Variants in ZNF530 observed in about 807,000 individuals in gnomAD.
ZNF530 encodes zinc finger protein 530.
A neutral mutation model predicts 2.8 loss-of-function variants in ZNF530; 5 were observed. The ratio of observed to expected loss-of-function variants is 1.80; its 90% CI spans 0.94 to 3.78. The LOEUF (loss-of-function observed/expected upper bound fraction) is 3.78, where lower values mean the gene tolerates loss of function less well. ZNF530 is among the 30% of genes most tolerant of loss of function. The pLI, the probability that ZNF530 is intolerant of heterozygous loss-of-function variation, is 0.00. For synonymous variants in ZNF530, 229 were observed against 235.0 expected, an observed-to-expected ratio of 0.97 and a Z score of 0.23; for missense variants, 619 against 673.3, an observed-to-expected ratio of 0.92 and a Z score of 0.89.
chr19:57,611,376 C>G (rs139460068), downstream of ZNF530, among the ~76,000 whole-genome samples: 1 of 152,298 alleles, frequency 6.6e-6, no homozygotes, highest in African/African-American at 2.4e-5. Flanking sequence ...TGGCTTGGGA[C>G]TTTATACATT....
chr19:57,599,905 T>G lies in ZNF530; in HGVS notation c.-351T>G. On this transcript the variant is annotated 5_prime_UTR_variant, in exon 1 of 4. Coordinates refer to ENST00000597700, the MANE Select transcript of ZNF530 (RefSeq NM_001321981.2). ...GGAGCGGAACTTCCGGCGTCCTCCC[T>G]GTGGCGGGCACTTTGGCTTGTGTCA... 1.9e-6 allele frequency: 1 copy of G among 528,840 alleles called. No individual in the cohort carries two copies. Among genetic ancestry groups the G allele is most frequent in the South Asian group, 3.1e-5 (1 of 31,998 alleles). The allele number at this position is 528,840 out of a possible 1,614,324, so 32.8% of individuals were successfully genotyped here.
rs567485827 is a variant in ZNF530 at position 57,605,311 on chromosome 19, CAT to C, written c.62-374_62-373del. ...CATGTAATATGTTGTCAGATGTGCA[CAT>C]GTTTTTAAATAGTCCTTCCACACCT... On this transcript the variant is annotated intron_variant, in intron 3 of 3. Coordinates refer to ENST00000597700, the MANE Select transcript of ZNF530 (RefSeq NM_001321981.2). 582 of 170,804 alleles carry C rather than the reference CAT, an allele frequency of 3.4e-3. 3 individuals carry two copies. Among genetic ancestry groups the C allele is most frequent in the Non-Finnish European group, 5.5e-3 (443 of 80,330 alleles). 10.6% of individuals were successfully genotyped at this position (170,804 alleles called of 1,614,324 possible). A position where few individuals can be genotyped will look rare whatever the true frequency, so the allele number is the denominator to read the frequency against.
Position 57,606,919 on chromosome 19 carries a change from G to A in ZNF530, c.1295G>A (p.Cys432Tyr). 1 of 1,613,924 alleles carries A rather than the reference G, an allele frequency of 6.2e-7. No individual in the cohort carries two copies. The highest frequency in any genetic ancestry group is 8.5e-7 in the Non-Finnish European group (1 of 1,179,974). Reference protein sequence around the residue: ...RAHTKTKPYECSECEKSFSCK... With the variant: ...RAHTKTKPYEYSECEKSFSCK... ...CACACTAAAACAAAGCCTTATGAGT[G>A]CAGTGAATGTGAAAAATCATTTAGT... The change falls in exon 4 of 4, where the codon TGC becomes TAC. Residue 432 changes from cysteine to tyrosine, a missense_variant. By Grantham distance (194) the Cys-to-Tyr change is radical (BLOSUM62 -2). Coordinates refer to ENST00000597700, the MANE Select transcript of ZNF530 (RefSeq NM_001321981.2).
chr19:57,601,470 T>C (rs1054079270), intron 2 of ZNF530, among the ~76,000 whole-genome samples: 1 of 152,164 alleles, frequency 6.6e-6, no homozygotes, highest in Non-Finnish European at 1.5e-5. Flanking sequence ...GCCAAGTAGA[T>C]AGTAGAATTG....
downstream of ZNF530, among the ~76,000 whole-genome samples, chr19:57,611,240 G>C (rs974683322): frequency 1.8e-4 from 28 of 152,172 alleles, no homozygotes; most frequent in African/African-American, 6.5e-4. Context: ...AGAGACCAAG[G>C]CAAGTTTTTT....
downstream of ZNF530, among the ~76,000 whole-genome samples, chr19:57,610,389 GTGA>G (rs1980824914): frequency 6.6e-6 from 1 of 151,446 alleles, no homozygotes; most frequent in Non-Finnish European, 1.5e-5. Context: ...CATTGATAGG[GTGA>G]TGATTTCAAA....
chr19:57,603,362 A>G (rs1980340287), intron 2 of ZNF530, among the ~76,000 whole-genome samples: 1 of 152,184 alleles, frequency 6.6e-6, no homozygotes, highest in Admixed American at 6.5e-5. Flanking sequence ...CATATTAGAG[A>G]CATAATGGGA....
Position 57,606,496 on chromosome 19 carries a change from A to AG in ZNF530, c.873dup (p.Cys292ValfsTer3). The AG allele has an allele frequency of 6.2e-7, 1 of 1,614,076 alleles. No individual in the cohort carries two copies. Among genetic ancestry groups the AG allele is most frequent in the Middle Eastern group, 1.7e-4 (1 of 6,058 alleles). The stretch of plus-strand genomic sequence containing the variant: ...GTTCACACTGGAGAAAGGCCTTATG[A>AG]GTGCAGTGAATGTGGGAAATCTTTT... On this transcript the variant is annotated frameshift_variant, in exon 4 of 4. Coordinates refer to ENST00000597700, the MANE Select transcript of ZNF530 (RefSeq NM_001321981.2). LOFTEE classifies it low-confidence loss of function (END_TRUNC).
In ZNF530 at chr19:57,606,691, G is replaced by A. The variant is rs1220636542; in HGVS notation, c.1067G>A (p.Ser356Asn). ...YECSECGKAFSCNIYLIHHQR... is the reference protein window; with the variant it reads ...YECSECGKAFNCNIYLIHHQR... ...TGTAGTGAATGTGGGAAAGCATTTA[G>A]TTGCAATATCTACCTTATTCACCAC... The change falls in exon 4 of 4, where the codon AGT becomes AAT. Residue 356 changes from serine (S) to asparagine (N), a missense_variant. Physicochemically the swap from Ser to Asn is conservative, Grantham distance 46. Coordinates refer to ENST00000597700, the MANE Select transcript of ZNF530 (RefSeq NM_001321981.2). 2 of 1,614,044 alleles carry A rather than the reference G, an allele frequency of 1.2e-6. No homozygotes were observed. The highest frequency in any genetic ancestry group is 3.3e-5 in the Admixed American group (2 of 59,986).
chr19:57,603,546 G>A (rs904618645), intron 2 of ZNF530, among the ~76,000 whole-genome samples: 5 of 152,222 alleles, frequency 3.3e-5, no homozygotes, highest in African/African-American at 1.2e-4. Flanking sequence ...GGGCCACCAG[G>A]CAAGGTTTTG....
downstream of ZNF530, chr19:57,612,527 G>A (rs1157367092): frequency 3.2e-5 from 13 of 400,178 alleles, no homozygotes; most frequent in Non-Finnish European, 5.7e-5. Context: ...TTTCAAGAAT[G>A]AAAAGAGGCC....
intron 2 of ZNF530, among the ~76,000 whole-genome samples, chr19:57,602,485 T>C (rs1980290954): frequency 6.6e-6 from 1 of 152,096 alleles, no homozygotes; most frequent in Admixed American, 6.6e-5. Context: ...GGATTCCTGG[T>C]CATGATGATA....
Position 57,599,894 on chromosome 19 carries a change from G to A in ZNF530, c.-362G>A. On this transcript the variant is annotated 5_prime_UTR_variant, in exon 1 of 4. Transcript: ENST00000597700. ...TCCAACTTGTCGGAGCGGAACTTCCGGCGTCCTCCCTGTGGCGGGCACTTT... is the reference window on the plus strand; with the variant it reads ...TCCAACTTGTCGGAGCGGAACTTCCAGCGTCCTCCCTGTGGCGGGCACTTT... 1 of 503,270 alleles carries A rather than the reference G, an allele frequency of 2.0e-6. No homozygotes were observed. The allele number at this position is 503,270 out of a possible 1,614,324, so 31.2% of individuals were successfully genotyped here.
At chr19:57,610,412 ATGTGTGTGTGTGTGTG>A (rs57429926), downstream of ZNF530, among the ~76,000 whole-genome samples, 3 of 147,180 alleles carry the variant, frequency 2.0e-5, no homozygotes, top group South Asian at 2.2e-4. Flanking sequence ...AAGTGTACAT[ATGTGTGTGTGTGTGTG>A]TGTGTGTGTG....
intron 2 of ZNF530, among the ~76,000 whole-genome samples, chr19:57,601,374 G>C (rs990465441): frequency 6.6e-6 from 1 of 152,182 alleles, no homozygotes; most frequent in Non-Finnish European, 1.5e-5. Context: ...TGATTTTCTG[G>C]TATTGGGACT....
At chr19:57,600,217 C>T (rs1287495178) in intron 1 of ZNF530, 83 bp downstream of exon 1, 7 of 1,473,430 alleles carry the variant, frequency 4.8e-6, no homozygotes, top group African/African-American at 2.8e-5. Flanking sequence ...CAGCCCGGAC[C>T]GCACTGTCCG....
At position 57,607,444 on chromosome 19, in the gene ZNF530, A is replaced by C; in HGVS notation, c.*119A>C. 1 of 1,011,344 alleles carries C rather than the reference A, an allele frequency of 9.9e-7. No individual in the cohort carries two copies. Among genetic ancestry groups the C allele is most frequent in the South Asian group, 1.7e-5 (1 of 57,784 alleles). The allele number at this position is 1,011,344 out of a possible 1,614,324, so 62.6% of individuals were successfully genotyped here. ...ACTGCAACCTCCGCCTCCTGGGATC[A>C]AGTGATTCTCCTGCCACAGCCTCCT... On this transcript the variant is annotated 3_prime_UTR_variant, in exon 4 of 4. Transcript: ENST00000597700.
At chr19:57,603,935 G>A (rs527664904) in intron 2 of ZNF530, among the ~76,000 whole-genome samples, 10 of 152,288 alleles carry the variant, frequency 6.6e-5, no homozygotes, top group South Asian at 2.1e-4. Flanking sequence ...ATATGAAGAC[G>A]GAGTGTGAGC....
chr19:57,611,851 T>G (rs1027194278), downstream of ZNF530, among the ~76,000 whole-genome samples: 8 of 152,100 alleles, frequency 5.3e-5, no homozygotes, highest in Non-Finnish European at 7.4e-5. Context: ...CTGACATTCC[T>G]GGGGTCCCTC....
Sources: gnomAD v4.1 joint callset for allele counts (sites outside exome capture counted in the v4.1 genomes callset) on GRCh38, gnomAD v4.1.1 for gene constraint, MANE v1.5 for transcripts, NCBI Gene and HGNC (gene_info 2026-07-23, HGNC 2026-07-21) for gene names.